THSD7B: variants seen among roughly 807,000 people sequenced by gnomAD.
The protein encoded by THSD7B is thrombospondin type-1 domain-containing protein 7B.
THSD7B carries 138 observed loss-of-function variants against 213.6 expected under a neutral mutation model. The observed-to-expected ratio is 0.65, with a 90% CI of 0.56 to 0.74. The LOEUF (loss-of-function observed/expected upper bound fraction) is 0.74. Among genes scored for constraint, THSD7B ranks in the 30% least tolerant of loss-of-function variants. THSD7B has a pLI of 0.00. For synonymous variants in THSD7B, 742 were observed against 687.0 expected (o/e 1.08, Z -1.25); for missense variants, 1,931 against 1,991.5 (o/e 0.97, Z 0.58).
At chr2:136,947,417 GA>G (rs59446568) in intron 2 of THSD7B, among the ~76,000 whole-genome samples, 11,263 of 152,218 alleles carry the variant, frequency 0.074, 668 homozygotes, top group African/African-American at 0.16. Flanking sequence ...TTTCATGAAT[GA>G]TGTTATCTAT....
Position 137,275,957 on chromosome 2 carries a change from G to C in THSD7B, c.2431G>C (p.Val811Leu). The change falls in exon 12 of 28, where the codon GTG becomes CTG. Residue 811 changes from valine to leucine, a missense_variant. By Grantham distance (32) the Val-to-Leu change is conservative. Transcript: ENST00000409968. ...KPQKWSPCIL[V>L]PESVWQGITG... is the part of the protein sequence containing the mutation. ...ACAGAAATGGAGCCCTTGCATCTTAGTGCCAGAGTCTGTCTGGCAGGGAAT... is the reference window on the plus strand; with the variant it reads ...ACAGAAATGGAGCCCTTGCATCTTACTGCCAGAGTCTGTCTGGCAGGGAAT... 1 of 1,612,262 alleles carries C rather than the reference G, an allele frequency of 6.2e-7. No homozygotes were observed. Among genetic ancestry groups the C allele is most frequent in the East Asian group, 2.2e-5 (1 of 44,824 alleles).
chr2:136,968,911 T>C (rs1212952451), intron 2 of THSD7B, among the ~76,000 whole-genome samples: 1 of 152,176 alleles, frequency 6.6e-6, no homozygotes, highest in Non-Finnish European at 1.5e-5. Context: ...TTATGCAGCA[T>C]GTTTCCCAGT....
chr2:136,822,861 T>G (rs1040491378), intron 1 of THSD7B, among the ~76,000 whole-genome samples: 1 of 152,228 alleles, frequency 6.6e-6, no homozygotes, highest in Non-Finnish European at 1.5e-5. Context: ...TTCTGATATC[T>G]GACTTCCCTA....
chr2:137,526,998 C>T (rs1285413633), intron 15 of THSD7B, among the ~76,000 whole-genome samples: 1 of 152,032 alleles, frequency 6.6e-6, no homozygotes, highest in Admixed American at 6.6e-5. Context: ...TCAGCAAAAC[C>T]TTCTACCTTC....
At chr2:136,824,517 G>T (rs1682611591) in intron 1 of THSD7B, among the ~76,000 whole-genome samples, 1 of 152,098 alleles carries the variant, frequency 6.6e-6, no homozygotes, top group Admixed American at 6.6e-5. Flanking sequence ...ATTTTGTGTG[G>T]CTGAGCTTCA....
intron 17 of THSD7B, among the ~76,000 whole-genome samples, chr2:137,586,210 C>A (rs1219690536): frequency 3.9e-5 from 6 of 152,124 alleles, no homozygotes; most frequent in South Asian, 2.1e-4. Flanking sequence ...CCATCCCTTT[C>A]TTTTGAGCCT....
intron 2 of THSD7B, among the ~76,000 whole-genome samples, chr2:136,971,458 G>T (rs1380473420): frequency 1.3e-5 from 2 of 151,950 alleles, no homozygotes; most frequent in Non-Finnish European, 2.9e-5. Context: ...AAAGTTCCCT[G>T]TGGTGTAGGA....
At chr2:137,139,340 TTA>T (rs2104962281) in intron 5 of THSD7B, among the ~76,000 whole-genome samples, 1 of 152,258 alleles carries the variant, frequency 6.6e-6, no homozygotes, top group African/African-American at 2.4e-5. Flanking sequence ...AGCTAATAGA[TTA>T]TATCTCTGAA....
chr2:136,980,303 TG>T (rs779759904), intron 2 of THSD7B, among the ~76,000 whole-genome samples: 2 of 152,120 alleles, frequency 1.3e-5, no homozygotes, highest in Admixed American at 1.3e-4. Flanking sequence ...TGCTTGGCGC[TG>T]GGGGGAATCT....
At chr2:136,980,841 C>A (rs1310359070) in intron 2 of THSD7B, among the ~76,000 whole-genome samples, 3 of 152,198 alleles carry the variant, frequency 2.0e-5, no homozygotes, top group African/African-American at 7.2e-5. Context: ...CACAATCACT[C>A]ACCGCCTCTC....
At chr2:137,242,215 T>G (rs766531930) in intron 9 of THSD7B, among the ~76,000 whole-genome samples, 28 of 152,124 alleles carry the variant, frequency 1.8e-4, no homozygotes, top group Non-Finnish European at 2.2e-4. Context: ...CAGAGGTTAT[T>G]TTTTTACTGG....
At chr2:136,916,243 A>C (rs763808245) in intron 2 of THSD7B, among the ~76,000 whole-genome samples, 6 of 152,158 alleles carry the variant, frequency 3.9e-5, no homozygotes, top group Admixed American at 2.0e-4. Context: ...TCTGTGGGGA[A>C]TTGGGTTGTA....
chr2:137,498,971 A>G (rs531326739), intron 15 of THSD7B, among the ~76,000 whole-genome samples: 1 of 152,276 alleles, frequency 6.6e-6, no homozygotes, highest in African/African-American at 2.4e-5. Context: ...TAGCAGGGGC[A>G]ATACTGAGTC....
intron 4 of THSD7B, among the ~76,000 whole-genome samples, chr2:137,100,602 G>T (rs140775896): frequency 1.4e-4 from 21 of 152,152 alleles, no homozygotes; most frequent in African/African-American, 5.1e-4. Context: ...AGAAAGAGTA[G>T]CACCTAGAAA....
At chr2:136,953,955 A>C (rs796826497) in intron 2 of THSD7B, among the ~76,000 whole-genome samples, 42 of 152,324 alleles carry the variant, frequency 2.8e-4, no homozygotes, top group African/African-American at 9.9e-4. Flanking sequence ...TAACCCAGTC[A>C]TGTGAATAGT....
chr2:137,540,399 T>C (rs77996164), intron 15 of THSD7B, among the ~76,000 whole-genome samples: 36,425 of 151,552 alleles, frequency 0.24, 4,475 homozygotes, highest in South Asian at 0.31. Context: ...TTGGTAAGAA[T>C]TGAGAGATTT....
rs116682128 is a variant in THSD7B at position 137,245,427 on chromosome 2, G to T, written c.2266+2855G>T. Among the ~76,000 whole-genome samples the T allele has an allele frequency of 6.8e-3, 1,031 of 152,220 alleles. 7 individuals are homozygous for T. Among genetic ancestry groups the T allele is most frequent in the African/African-American group, 0.024 (990 of 41,514 alleles). On this transcript the variant is annotated intron_variant, in intron 10 of 27. Coordinates refer to ENST00000409968, the MANE Select transcript of THSD7B (RefSeq NM_001316349.2). ...ATAGTTTGCACCTGCTGTGCATGAG[G>T]TTGGCACTCCATTCTCTTCAGCTGC...
Position 137,242,473 on chromosome 2 carries a change from C to T in THSD7B, c.2167C>T (p.Arg723Ter), listed in dbSNP as rs1337933182. The T allele has an allele frequency of 1.9e-6, 3 of 1,613,584 alleles. No individual in the cohort carries two copies. The highest frequency in any genetic ancestry group is 1.7e-5 in the Admixed American group (1 of 59,990). Residue 723 changes from arginine (R) to a stop codon, truncating the protein, a stop_gained, in exon 10 of 28, where the codon CGA (arginine) becomes TGA (stop). Coordinates refer to ENST00000409968, the MANE Select transcript of THSD7B (RefSeq NM_001316349.2). LOFTEE classifies it high-confidence loss of function. ...CATTGACAGATGTCCAGATTCTACTCGACCTGAAACTGTGCGCCCCTGTTT... is the reference window on the plus strand; with the variant it reads ...CATTGACAGATGTCCAGATTCTACTTGACCTGAAACTGTGCGCCCCTGTTT... ...VMTKRCPDST[R>*]PETVRPCFLP... is the part of the protein sequence containing the mutation.
At chr2:136,963,652 A>C (rs994603776) in intron 2 of THSD7B, among the ~76,000 whole-genome samples, 1 of 152,186 alleles carries the variant, frequency 6.6e-6, no homozygotes, top group Non-Finnish European at 1.5e-5. Flanking sequence ...TCTCTAAAAA[A>C]TAAATAAATG....
Sources: allele counts gnomAD v4.1 joint callset (sites outside exome capture counted in the v4.1 genomes callset), GRCh38; gene constraint gnomAD v4.1.1; transcripts MANE v1.5; gene names NCBI Gene and HGNC (gene_info 2026-07-23, HGNC 2026-07-21).